Variants in TLN2 observed in about 807,000 individuals in gnomAD.
TLN2 encodes talin 2, also known as talin-2.
A neutral mutation model predicts 294.7 loss-of-function variants in TLN2; 118 were observed. That is an observed-to-expected ratio of 0.40 (90% confidence interval 0.34 to 0.47). The LOEUF (loss-of-function observed/expected upper bound fraction) is 0.47. TLN2 is among the 20% of genes least tolerant of loss of function. TLN2 has a pLI of 0.84. For synonymous variants in TLN2, 1,431 were observed against 1,304.5 expected (o/e 1.10, Z -2.09); for missense variants, 3,083 against 3,282.2 (o/e 0.94, Z 1.48).
chr15:62,520,957 G>A (rs1273022306), intron 1 of TLN2, among the ~76,000 whole-genome samples: 1 of 152,118 alleles, frequency 6.6e-6, no homozygotes, highest in African/African-American at 2.4e-5. Flanking sequence ...TAAATTAGAC[G>A]TGCAAAAAGC....
chr15:62,670,463 C>T (rs2055264512), intron 9 of TLN2, among the ~76,000 whole-genome samples: 1 of 152,146 alleles, frequency 6.6e-6, no homozygotes. Context: ...TTCATTTTTG[C>T]CCATGGAGTT....
At chr15:62,421,747 T>C (rs1382498853) in intron 1 of TLN2, among the ~76,000 whole-genome samples, 1 of 152,086 alleles carries the variant, frequency 6.6e-6, no homozygotes, top group African/African-American at 2.4e-5. Context: ...TGAAATAGTC[T>C]GTACAGCAAA....
In TLN2 at chr15:62,736,920, C is replaced by T; in HGVS notation, c.3401C>T (p.Ala1134Val). ...ACGGCCCAAGCTCTGAAAACACTGG[C>T]CCAGGCCGCCCGTGGAGTGGCTGCA... is the stretch of plus-strand genomic sequence containing the variant. ...RETAQALKTL[A>V]QAARGVAAST... Residue 1134 changes from alanine to valine, a missense_variant, in exon 29 of 59, where the codon GCC becomes GTC. Physicochemically the swap from Ala to Val is moderately conservative, Grantham distance 64 (BLOSUM62 0). Transcript: ENST00000636159. 6.2e-7 allele frequency: 1 copy of T among 1,614,208 alleles called. No individual in the cohort carries two copies. Among genetic ancestry groups the T allele is most frequent in the South Asian group, 1.1e-5 (1 of 91,078 alleles).
At chr15:62,773,356 C>T (rs944465244) in intron 42 of TLN2, among the ~76,000 whole-genome samples, 2 of 151,894 alleles carry the variant, frequency 1.3e-5, no homozygotes, top group African/African-American at 4.8e-5. Flanking sequence ...TAATTTTCTA[C>T]CAGTGTGAAG....
intron 52 of TLN2, 126 bp from the exon 53 acceptor site, chr15:62,819,390 A>T: frequency 2.7e-6 from 2 of 734,232 alleles, no homozygotes; most frequent in East Asian, 2.5e-5. Flanking sequence ...CTCTGAAGTC[A>T]CTTGGGACAG....
chr15:62,514,412 G>C (rs1462591211), intron 1 of TLN2, among the ~76,000 whole-genome samples: 1 of 152,164 alleles, frequency 6.6e-6, no homozygotes, highest in Non-Finnish European at 1.5e-5. Flanking sequence ...GGCATGTTGG[G>C]AACAAAGTTT....
intron 52 of TLN2, 118 bp from the exon 53 acceptor site, chr15:62,819,398 C>A: frequency 1.3e-6 from 1 of 782,898 alleles, no homozygotes; most frequent in Non-Finnish European, 2.2e-6. Context: ...TCACTTGGGA[C>A]AGAGATGCAA....
Position 62,739,548 on chromosome 15 carries a change from G to A in TLN2, c.3885+3G>A. The A allele has an allele frequency of 6.2e-7, 1 of 1,614,116 alleles. No homozygotes were observed. Among genetic ancestry groups the A allele is most frequent in the Middle Eastern group, 1.6e-4 (1 of 6,062 alleles). On this transcript the variant is annotated splice_donor_region_variant and intron_variant, in intron 31 of 58. Coordinates refer to ENST00000636159, the MANE Select transcript of TLN2 (RefSeq NM_015059.3). ...TTGAGATGGCTGGCCAAGCTCAGGTGGGTGTGGAGGTGGTTGTCTGGAGTT... is the reference window on the plus strand; with the variant it reads ...TTGAGATGGCTGGCCAAGCTCAGGTAGGTGTGGAGGTGGTTGTCTGGAGTT...
intron 1 of TLN2, among the ~76,000 whole-genome samples, chr15:62,462,745 C>T (rs968928116): frequency 6.6e-6 from 1 of 152,188 alleles, no homozygotes; most frequent in South Asian, 2.1e-4. Context: ...GAACCAGAAC[C>T]AGTGTGGTGT....
At chr15:62,537,993 G>C (rs577894842) in intron 1 of TLN2, among the ~76,000 whole-genome samples, 1 of 152,124 alleles carries the variant, frequency 6.6e-6, no homozygotes, top group Non-Finnish European at 1.5e-5. Context: ...AGGCTGAGGC[G>C]GGTGGATTGC....
intron 3 of TLN2, among the ~76,000 whole-genome samples, chr15:62,619,382 T>A (rs1264568733): frequency 1.3e-5 from 2 of 152,216 alleles, no homozygotes; most frequent in African/African-American, 4.8e-5. Flanking sequence ...TCCTCCAGTT[T>A]GTGAGAGCTA....
rs767415123 is a variant in TLN2 at position 62,656,105 on chromosome 15, A to G, written c.660+19A>G. The G allele has an allele frequency of 6.2e-7, 1 of 1,611,110 alleles. No homozygotes were observed. The highest frequency in any genetic ancestry group is 8.5e-7 in the Non-Finnish European group (1 of 1,177,444). On this transcript the variant is annotated intron_variant, in intron 8 of 58. Coordinates refer to ENST00000636159, the MANE Select transcript of TLN2 (RefSeq NM_015059.3). ...TGTTCAGGTACAGTATTTACTGCTC[A>G]GACACTGAGGTTGGTGAGATTGCAG...
At chr15:62,547,613 G>A (rs539210389) in intron 1 of TLN2, among the ~76,000 whole-genome samples, 2 of 152,346 alleles carry the variant, frequency 1.3e-5, no homozygotes, top group East Asian at 3.9e-4. Flanking sequence ...CCTATTGTTC[G>A]GTGGATGCCT....
At chr15:62,753,717 G>T in intron 35 of TLN2, 56 bp from the exon 36 acceptor site, 1 of 1,541,080 alleles carries the variant, frequency 6.5e-7, no homozygotes, top group Non-Finnish European at 8.8e-7. Context: ...ATCATCCCCA[G>T]CAGGCTCACC....
chr15:62,710,346 G>T (rs1401674011), intron 21 of TLN2, among the ~76,000 whole-genome samples: 1 of 152,154 alleles, frequency 6.6e-6, no homozygotes, highest in Non-Finnish European at 1.5e-5. Context: ...ATCTGTAAGA[G>T]ATCTATTTTT....
At chr15:62,733,466 A>G (rs1032083189) in intron 28 of TLN2, among the ~76,000 whole-genome samples, 2 of 152,212 alleles carry the variant, frequency 1.3e-5, no homozygotes, top group Admixed American at 6.5e-5. Context: ...GCTGTATTCT[A>G]ATGCAAGTGT....
At chr15:62,829,229 C>A (rs1284497937) in intron 54 of TLN2, 1 of 150,644 alleles carries the variant, frequency 6.6e-6, no homozygotes, top group African/African-American at 2.4e-5. Context: ...AGCTTGTTCT[C>A]ACACAACTAA....
chr15:62,526,050 A>G (rs978948803), intron 1 of TLN2, among the ~76,000 whole-genome samples: 3 of 151,982 alleles, frequency 2.0e-5, no homozygotes, highest in African/African-American at 7.2e-5. Context: ...GGTCATGTAG[A>G]TTATATATTT....
intron 3 of TLN2, among the ~76,000 whole-genome samples, chr15:62,621,794 A>C (rs1191848419): frequency 6.6e-6 from 1 of 152,238 alleles, no homozygotes; most frequent in Non-Finnish European, 1.5e-5. Context: ...AGTAGTTACT[A>C]GTAGCTCTTG....
Sources: gnomAD v4.1 joint callset for allele counts (sites outside exome capture counted in the v4.1 genomes callset) on GRCh38, gnomAD v4.1.1 for gene constraint, MANE v1.5 for transcripts, NCBI Gene and HGNC (gene_info 2026-07-23, HGNC 2026-07-21) for gene names.